DYNC1I1: variants seen among roughly 807,000 people sequenced by gnomAD.
DYNC1I1 encodes the protein cytoplasmic dynein 1 intermediate chain 1.
A neutral mutation model predicts 86.6 loss-of-function variants in DYNC1I1; 43 were observed. The observed-to-expected ratio is 0.50, with a 90% CI of 0.39 to 0.64. The LOEUF is 0.64. DYNC1I1 is among the 30% of genes least tolerant of loss of function. The pLI is 0.00. For synonymous variants in DYNC1I1, 262 were observed against 283.7 expected (o/e 0.92, Z 0.77); for missense variants, 604 against 788.8 (o/e 0.77, Z 2.81).
chr7:96,023,772 G>T (rs1428084362), intron 10 of DYNC1I1, among the ~76,000 whole-genome samples: 1 of 152,098 alleles, frequency 6.6e-6, no homozygotes, highest in Non-Finnish European at 1.5e-5. Context: ...GTCTTTGCAG[G>T]GGTGGCCAGT....
intron 5 of DYNC1I1, among the ~76,000 whole-genome samples, chr7:95,833,453 G>C (rs1332351833): frequency 6.8e-6 from 1 of 147,522 alleles, no homozygotes; most frequent in South Asian, 2.3e-4. Context: ...GGTGATGGGG[G>C]CTCTTTTTTG....
At chr7:96,013,669 G>A (rs1395508730) in intron 10 of DYNC1I1, among the ~76,000 whole-genome samples, 1 of 152,100 alleles carries the variant, frequency 6.6e-6, no homozygotes, top group Non-Finnish European at 1.5e-5. Flanking sequence ...ATGTTGCCCA[G>A]GCTGGTCTTG....
rs568020718 is a variant in DYNC1I1 at position 95,808,594 on chromosome 7, T to C, written c.109-1798T>C. ...GGGGCCACCCTGAAGTTTCATTCTG[T>C]CCTTGGCTTCCTGCCGAATTGCTGC... On this transcript the variant is annotated intron_variant, in intron 2 of 16. Transcript: ENST00000447467. Among the ~76,000 whole-genome samples, 48 of 152,328 alleles carry C rather than the reference T, an allele frequency of 3.2e-4. No individual in the cohort carries two copies. The South Asian group carries it at 6.6e-3, about 21-fold the overall frequency.
At position 95,810,812 on chromosome 7, in the gene DYNC1I1, A is replaced by C. The variant is rs568945890; in HGVS notation, c.223+306A>C. ...AATGAGTTGCCACTTGGTAAATATA[A>C]GAAATCTTGGAATGTCTTATTAAAT... On this transcript the variant is annotated intron_variant, in intron 3 of 16. Transcript: ENST00000447467. 2.6e-5 allele frequency among the ~76,000 whole-genome samples: 4 copies of C among 152,228 alleles called. No homozygotes were observed. The South Asian group carries it at 8.3e-4, about 32-fold the overall frequency.
chr7:95,988,785 T>C (rs1218226476), intron 9 of DYNC1I1, among the ~76,000 whole-genome samples: 1 of 152,210 alleles, frequency 6.6e-6, no homozygotes, highest in African/African-American at 2.4e-5. Flanking sequence ...ATTTTTCTTA[T>C]ATACAAAGCA....
At chr7:95,977,194 C>T (rs963354062) in intron 6 of DYNC1I1, among the ~76,000 whole-genome samples, 3 of 152,118 alleles carry the variant, frequency 2.0e-5, no homozygotes, top group African/African-American at 4.8e-5. Flanking sequence ...GTTCCTGGGC[C>T]ATCTTCGAAG....
At chr7:95,832,194 C>A (rs923641985) in intron 5 of DYNC1I1, among the ~76,000 whole-genome samples, 1 of 120,486 alleles carries the variant, frequency 8.3e-6, no homozygotes, top group African/African-American at 3.5e-5. Flanking sequence ...GTTCAATTCC[C>A]ACCTATGAGT....
intron 6 of DYNC1I1, among the ~76,000 whole-genome samples, chr7:95,966,000 T>A (rs192251889): frequency 1.3e-5 from 2 of 152,170 alleles, no homozygotes; most frequent in Non-Finnish European, 2.9e-5. Context: ...GCAGCTTCAG[T>A]TCCACAGCAA....
At chr7:95,779,353 G>A (rs974482335) in intron 1 of DYNC1I1, among the ~76,000 whole-genome samples, 4 of 152,182 alleles carry the variant, frequency 2.6e-5, no homozygotes, top group Admixed American at 6.5e-5. Context: ...CTTACTGACT[G>A]TGTGAGCCTC....
chr7:95,820,699 C>T (rs1012516159), intron 4 of DYNC1I1, among the ~76,000 whole-genome samples: 17 of 152,176 alleles, frequency 1.1e-4, no homozygotes, highest in Non-Finnish European at 1.9e-4. Flanking sequence ...ATGGCTGGAC[C>T]GCTTTTGTTT....
At chr7:96,019,274 CTTCT>C (rs143894013) in intron 10 of DYNC1I1, among the ~76,000 whole-genome samples, 16,817 of 151,854 alleles carry the variant, frequency 0.11, 1,014 homozygotes, top group Non-Finnish European at 0.13. Flanking sequence ...GAATTTATTC[CTTCT>C]ATCTAACTGA....
intron 1 of DYNC1I1, among the ~76,000 whole-genome samples, chr7:95,776,064 T>A (rs1431494328): frequency 2.6e-5 from 4 of 152,152 alleles, no homozygotes; most frequent in South Asian, 2.1e-4. Flanking sequence ...TGGAGGCTCG[T>A]GCCTGTAATC....
At chr7:95,788,402 CT>C (rs1389626396) in intron 1 of DYNC1I1, among the ~76,000 whole-genome samples, 9 of 152,112 alleles carry the variant, frequency 5.9e-5, no homozygotes, top group Non-Finnish European at 1.3e-4. Flanking sequence ...GGCTCCAAGA[CT>C]TTTGGCCTGA....
intron 14 of DYNC1I1, among the ~76,000 whole-genome samples, chr7:96,058,067 CA>C (rs1377877510): frequency 1.3e-5 from 2 of 152,086 alleles, no homozygotes; most frequent in African/African-American, 4.8e-5. Flanking sequence ...ATCAAATGTA[CA>C]ATGTTTACAT....
chr7:95,793,847 T>C (rs1794370444), intron 1 of DYNC1I1, among the ~76,000 whole-genome samples: 1 of 152,198 alleles, frequency 6.6e-6, no homozygotes, highest in South Asian at 2.1e-4. Context: ...AATGTGATGC[T>C]GAAGAGCCAC....
At chr7:95,991,922 A>G (rs1300293440) in intron 9 of DYNC1I1, among the ~76,000 whole-genome samples, 1 of 152,068 alleles carries the variant, frequency 6.6e-6, no homozygotes, top group Non-Finnish European at 1.5e-5. Flanking sequence ...GTGCAGTGGC[A>G]TGATCTCCCC....
chr7:96,095,743 C>T (rs528103052), intron 16 of DYNC1I1, among the ~76,000 whole-genome samples: 8 of 151,950 alleles, frequency 5.3e-5, no homozygotes, highest in Admixed American at 2.0e-4. Flanking sequence ...TGATACCAAC[C>T]CTTAGTTGGT....
At chr7:95,952,793 C>T (rs1379487056) in intron 6 of DYNC1I1, among the ~76,000 whole-genome samples, 1 of 152,102 alleles carries the variant, frequency 6.6e-6, no homozygotes, top group Non-Finnish European at 1.5e-5. Context: ...TCTGCCTCGT[C>T]CTTCCTCTGT....
At chr7:96,103,904 A>G (rs1791175052) in intron 16 of DYNC1I1, among the ~76,000 whole-genome samples, 1 of 152,136 alleles carries the variant, frequency 6.6e-6, no homozygotes, top group African/African-American at 2.4e-5. Context: ...GAGCCACCGC[A>G]CCAGGCCTCT....
Sources: gnomAD v4.1 joint callset for allele counts (sites outside exome capture counted in the v4.1 genomes callset) on GRCh38, gnomAD v4.1.1 for gene constraint, MANE v1.5 for transcripts, NCBI Gene and HGNC (gene_info 2026-07-23, HGNC 2026-07-21) for gene names.